TTC39C: variants seen among roughly 807,000 people sequenced by gnomAD.
TTC39C encodes tetratricopeptide repeat protein 39C.
A neutral mutation model predicts 76.3 loss-of-function variants in TTC39C; 33 were observed. That is an observed-to-expected ratio of 0.43 (90% CI 0.33 to 0.58). The LOEUF (loss-of-function observed/expected upper bound fraction) is 0.58. Among genes scored for constraint, TTC39C ranks in the 20% least tolerant of loss-of-function variants. The probability of loss-of-function intolerance (pLI) is 0.04; values close to 1 mark genes in which losing one functional copy is unlikely to be tolerated. For synonymous variants in TTC39C, 254 were observed against 260.6 expected, an observed-to-expected ratio of 0.97 and a Z score of 0.24; for missense variants, 595 against 701.4, an observed-to-expected ratio of 0.85 and a Z score of 1.71.
chr18:24,015,756 T>TA (rs1169101548), intron 1 of TTC39C, among the ~76,000 whole-genome samples: 1 of 152,170 alleles, frequency 6.6e-6, no homozygotes, highest in Non-Finnish European at 1.5e-5. Flanking sequence ...ATGAGAATGG[T>TA]AGGAAAACAC....
chr18:24,101,321 A>C (rs2084671125), intron 6 of TTC39C, among the ~76,000 whole-genome samples: 1 of 151,608 alleles, frequency 6.6e-6, no homozygotes, highest in South Asian at 2.1e-4. Context: ...AAAAAAAAAA[A>C]AACTGGCTGG....
At chr18:24,097,811 C>T (rs2084609514) in intron 6 of TTC39C, among the ~76,000 whole-genome samples, 1 of 152,100 alleles carries the variant, frequency 6.6e-6, no homozygotes, top group East Asian at 1.9e-4. Context: ...TATGTTTGTT[C>T]TTGCTTCCAT....
rs73404229 is a variant in TTC39C, at chr18:24,067,666, C to T, written c.346-1491C>T. ...TCCTGAAACCATTAACCCATCTCCTCCCACCCCCTCAACCCAGTCCATGGA... is the reference window on the plus strand; with the variant it reads ...TCCTGAAACCATTAACCCATCTCCTTCCACCCCCTCAACCCAGTCCATGGA... On this transcript the variant is annotated intron_variant, in intron 3 of 13. Transcript: ENST00000317571. 9.7e-3 allele frequency among the ~76,000 whole-genome samples: 1,484 copies of T among 152,256 alleles called. 24 individuals carry two copies. Among genetic ancestry groups the T allele is most frequent in the African/African-American group, 0.034 (1,404 of 41,538 alleles).
chr18:24,131,216 A>AG (rs1363435979), intron 12 of TTC39C, among the ~76,000 whole-genome samples: 1 of 150,934 alleles, frequency 6.6e-6, no homozygotes, highest in Admixed American at 6.6e-5. Context: ...CTCAAAAAAA[A>AG]AAAAAAAAAG....
chr18:24,053,223 C>T (rs1474082466), intron 1 of TTC39C, among the ~76,000 whole-genome samples: 1 of 152,150 alleles, frequency 6.6e-6, no homozygotes, highest in Non-Finnish European at 1.5e-5. Flanking sequence ...CCTTGGCCAC[C>T]GTCTGAGGGA....
At chr18:24,078,616 G>C (rs2084337170) in intron 4 of TTC39C, among the ~76,000 whole-genome samples, 1 of 152,200 alleles carries the variant, frequency 6.6e-6, no homozygotes, top group East Asian at 1.9e-4. Flanking sequence ...TCTGCAGGGA[G>C]TCACACAGGA....
At chr18:24,055,313 A>G (rs893378600) in intron 1 of TTC39C, among the ~76,000 whole-genome samples, 1 of 152,166 alleles carries the variant, frequency 6.6e-6, no homozygotes, top group African/African-American at 2.4e-5. Flanking sequence ...AACTGCCTAT[A>G]GTTTTCCATA....
At chr18:24,042,090 T>C (rs2083800750) in intron 1 of TTC39C, among the ~76,000 whole-genome samples, 2 of 152,218 alleles carry the variant, frequency 1.3e-5, no homozygotes, top group Admixed American at 1.3e-4. Flanking sequence ...AGTTTTGAAG[T>C]CGACCCATGT....
chr18:24,086,758 T>G (rs959713720), intron 6 of TTC39C, among the ~76,000 whole-genome samples: 9 of 152,214 alleles, frequency 5.9e-5, no homozygotes, highest in Non-Finnish European at 8.8e-5. Flanking sequence ...CTATTTTCCT[T>G]GACTCCTCCC....
chr18:24,070,952 G>A (rs2084232326), intron 4 of TTC39C, among the ~76,000 whole-genome samples: 3 of 152,026 alleles, frequency 2.0e-5, no homozygotes, highest in African/African-American at 7.2e-5. Context: ...TTTTTGAAAT[G>A]GAGTCTCGCA....
chr18:24,131,984 T>C, intron 13 of TTC39C, 64 bp downstream of exon 13: 2 of 1,466,110 alleles, frequency 1.4e-6, no homozygotes, highest in Non-Finnish European at 9.3e-7. Context: ...TATACCTGAG[T>C]CTGAATTCAA....
At chr18:24,123,392 T>C (rs201574071) in intron 8 of TTC39C, among the ~76,000 whole-genome samples, 1 of 117,298 alleles carries the variant, frequency 8.5e-6, no homozygotes, top group Admixed American at 8.7e-5. Flanking sequence ...TTTTTTTGTT[T>C]GTTTGTTTGT....
rs557561943 is a variant in TTC39C at position 24,069,175 on chromosome 18, G to T, written c.364G>T (p.Ala122Ser). Residue 122 changes from alanine to serine, a missense_variant, in exon 4 of 14, where the codon GCC (alanine) becomes TCC (serine). By Grantham distance (99) the Ala-to-Ser change is moderately conservative. Transcript: ENST00000317571. The stretch of plus-strand genomic sequence containing the variant: ...CAAACAGGTTGATGTCCGAAAATCC[G>T]CCCCCTCTATGGTTGATCGGCTTCA... ...IKKNVDVRKS[A>S]PSMVDRLQRQ... is the part of the protein sequence containing the mutation. 4.3e-6 allele frequency: 7 copies of T among 1,613,520 alleles called. No individual in the cohort carries two copies. Among genetic ancestry groups the T allele is most frequent in the South Asian group, 3.3e-5 (3 of 91,030 alleles).
intron 1 of TTC39C, chr18:24,001,776 AT>A (rs1223995370): frequency 1.3e-5 from 2 of 150,204 alleles, no homozygotes; most frequent in Non-Finnish European, 3.0e-5. Flanking sequence ...TTTTAAATTT[AT>A]TAACCACAGA....
At chr18:24,123,053 A>G (rs1016650786) in intron 8 of TTC39C, among the ~76,000 whole-genome samples, 3 of 152,192 alleles carry the variant, frequency 2.0e-5, no homozygotes, top group East Asian at 3.9e-4. Context: ...GGTGGCTTAT[A>G]GGTAGTAGGC....
intron 1 of TTC39C, chr18:23,994,466 G>C (rs2083244210): frequency 6.6e-6 from 1 of 152,096 alleles, no homozygotes; most frequent in Non-Finnish European, 1.5e-5. Flanking sequence ...AGCTTTTTCT[G>C]TTTGCCAGGA....
At position 24,134,257 on chromosome 18, in the gene TTC39C, G is replaced by GTTTTTTTTTTTTTTTTTTTTTTTTTT. The variant is rs1182625147; in HGVS notation, c.*1689_*1690insTTTTTTTTTTTTTTTTTTTTTTTTTT. On this transcript the variant is annotated 3_prime_UTR_variant, in exon 14 of 14. Transcript: ENST00000317571. ...TGGTGCCCAAAAATATTGGACATCT[G>GTTTTTTTTTTTTTTTTTTTTTTTTTT]TTTTTTGTTTTTTTTTTTTTTTTTT... The GTTTTTTTTTTTTTTTTTTTTTTTTTT allele has an allele frequency of 1.4e-4, 7 of 48,688 alleles. 3 individuals are homozygous for GTTTTTTTTTTTTTTTTTTTTTTTTTT. The highest frequency in any genetic ancestry group is 1.2e-4 in the African/African-American group (2 of 16,714). The allele number at this position is 48,688 out of a possible 1,614,324, so 3.0% of individuals were successfully genotyped here.
upstream of TTC39C, chr18:24,012,850 AACAC>A (rs143178761): frequency 0.51 from 73,519 of 145,360 alleles, 21,461 homozygotes; most frequent in Non-Finnish European, 0.68. Context: ...TGCCCATCAA[AACAC>A]ACACACACAC....
chr18:24,131,779 G>T, intron 12 of TTC39C, 103 bp from the exon 13 acceptor site: 2 of 889,756 alleles, frequency 2.2e-6, no homozygotes, highest in Non-Finnish European at 1.8e-6. Flanking sequence ...TCATTGCTAT[G>T]TCTACAGTGA....
Sources: allele counts gnomAD v4.1 joint callset (sites outside exome capture counted in the v4.1 genomes callset), GRCh38; gene constraint gnomAD v4.1.1; transcripts MANE v1.5; gene names NCBI Gene and HGNC (gene_info 2026-07-23, HGNC 2026-07-21).